Variants in ME1 observed in about 807,000 individuals in gnomAD.
The protein encoded by ME1 is NADP-dependent malic enzyme.
In ME1, 74 loss-of-function variants were observed where a neutral mutation model predicts 66.4. The ratio of observed to expected loss-of-function variants is 1.11; its 90% confidence interval spans 0.92 to 1.35. The LOEUF (loss-of-function observed/expected upper bound fraction) is 1.35, where lower values mean the gene tolerates loss of function less well. Among genes scored for constraint, ME1 ranks in the 40% most tolerant of loss-of-function variants. The pLI, the probability that ME1 is intolerant of heterozygous loss-of-function variation, is 0.00. For missense variants in ME1, 750 were observed against 694.1 expected (o/e 1.08, Z -0.90); for synonymous variants, 251 against 235.6 (o/e 1.07, Z -0.60).
At chr6:83,285,411 A>G (rs1394443061) in intron 6 of ME1, among the ~76,000 whole-genome samples, 1 of 152,222 alleles carries the variant, frequency 6.6e-6, no homozygotes, top group African/African-American at 2.4e-5. Context: ...GAAACAAAAT[A>G]GACATAAAAA....
At chr6:83,320,862 T>C (rs1027426728) in intron 5 of ME1, among the ~76,000 whole-genome samples, 7 of 152,072 alleles carry the variant, frequency 4.6e-5, no homozygotes, top group Non-Finnish European at 8.8e-5. Context: ...GATTCCCAGG[T>C]AAGATGACCA....
intron 9 of ME1, among the ~76,000 whole-genome samples, chr6:83,230,395 A>T (rs1219335253): frequency 6.6e-6 from 1 of 152,076 alleles, no homozygotes; most frequent in Non-Finnish European, 1.5e-5. Context: ...AATTATTAAA[A>T]AATTTGAAAC....
chr6:83,361,530 C>T (rs1473148289), intron 3 of ME1, among the ~76,000 whole-genome samples: 1 of 152,180 alleles, frequency 6.6e-6, no homozygotes, highest in African/African-American at 2.4e-5. Flanking sequence ...CCCAGCAGAC[C>T]CAATGGTGCT....
At chr6:83,430,324 T>A (rs1770462357) in intron 1 of ME1, among the ~76,000 whole-genome samples, 1 of 152,168 alleles carries the variant, frequency 6.6e-6, no homozygotes, top group African/African-American at 2.4e-5. Flanking sequence ...ATTCCCAGAC[T>A]CTTAACCGTG....
At chr6:83,289,577 T>C (rs1222266859) in intron 6 of ME1, among the ~76,000 whole-genome samples, 1 of 152,184 alleles carries the variant, frequency 6.6e-6, no homozygotes, top group Non-Finnish European at 1.5e-5. Flanking sequence ...TCATCAGGGA[T>C]ATTGGCCTGA....
chr6:83,328,405 T>C (rs1471469812), intron 5 of ME1, among the ~76,000 whole-genome samples: 5 of 152,156 alleles, frequency 3.3e-5, no homozygotes, highest in Admixed American at 2.6e-4. Flanking sequence ...ATGGCACATG[T>C]ATACCTATGT....
intron 5 of ME1, among the ~76,000 whole-genome samples, chr6:83,342,507 A>T (rs1473220737): frequency 6.6e-6 from 1 of 152,160 alleles, no homozygotes; most frequent in Non-Finnish European, 1.5e-5. Context: ...TCTTACACCG[A>T]TATTACCTAG....
chr6:83,400,633 T>C (rs1045003497), intron 2 of ME1, among the ~76,000 whole-genome samples: 1 of 152,206 alleles, frequency 6.6e-6, no homozygotes, highest in African/African-American at 2.4e-5. Context: ...TTGACTGGAT[T>C]ATTCTAATGG....
At chr6:83,373,454 G>C (rs983303884) in intron 3 of ME1, among the ~76,000 whole-genome samples, 1 of 152,106 alleles carries the variant, frequency 6.6e-6, no homozygotes, top group Non-Finnish European at 1.5e-5. Context: ...GGCTGGTCTC[G>C]AACTCCGCCC....
At chr6:83,322,273 A>C (rs1768194594) in intron 5 of ME1, among the ~76,000 whole-genome samples, 1 of 152,208 alleles carries the variant, frequency 6.6e-6, no homozygotes, top group African/African-American at 2.4e-5. Flanking sequence ...ACTCCTCACC[A>C]GCAAGGGAAT....
chr6:83,393,007 C>A (rs1269458498), intron 3 of ME1: 1 of 1,020,806 alleles, frequency 9.8e-7, no homozygotes, highest in South Asian at 1.3e-5. Context: ...GGCCATGGGG[C>A]TCTCCAGAAC....
In ME1 at chr6:83,356,942, AATAAAGAGTAG is replaced by A. The variant is rs140381153; in HGVS notation, c.363-4814_363-4804del. Among the ~76,000 whole-genome samples, 133 of 152,302 alleles carry A rather than the reference AATAAAGAGTAG, an allele frequency of 8.7e-4. 1 individual carries two copies. The highest frequency in any genetic ancestry group is 2.7e-3 in the African/African-American group (111 of 41,572). Reference sequence around the variant, plus strand: ...CAGTTGTTCCAATATTGTCCTTCATAATAAAGAGTAGTTCAAAATGCTGTGCAATATTTAGT... The same window carrying A: ...CAGTTGTTCCAATATTGTCCTTCATATTCAAAATGCTGTGCAATATTTAGT... On this transcript the variant is annotated intron_variant, in intron 3 of 13. Transcript: ENST00000369705.
At chr6:83,279,005 C>T (rs527737092) in intron 6 of ME1, among the ~76,000 whole-genome samples, 11 of 152,132 alleles carry the variant, frequency 7.2e-5, no homozygotes, top group Non-Finnish European at 1.2e-4. Context: ...CCCTTCCCCC[C>T]CAACCCTATC....
chr6:83,216,738 C>T, intron 12 of ME1, 142 bp from the exon 13 acceptor site: 1 of 557,308 alleles, frequency 1.8e-6, no homozygotes, highest in Non-Finnish European at 3.1e-6. Context: ...ATTTCATCCC[C>T]ACTTCTATCA....
chr6:83,236,635 C>T (rs960926120), intron 9 of ME1, among the ~76,000 whole-genome samples: 1 of 152,088 alleles, frequency 6.6e-6, no homozygotes, highest in African/African-American at 2.4e-5. Flanking sequence ...CAAAATAATA[C>T]TATGAAGTAG....
chr6:83,255,351 G>A (rs2128528526), intron 6 of ME1, among the ~76,000 whole-genome samples: 1 of 151,572 alleles, frequency 6.6e-6, no homozygotes, highest in South Asian at 2.1e-4. Flanking sequence ...TTCTAATCTA[G>A]TACACTGTGC....
At chr6:83,289,826 T>C (rs1003568306) in intron 6 of ME1, among the ~76,000 whole-genome samples, 1 of 152,236 alleles carries the variant, frequency 6.6e-6, no homozygotes, top group East Asian at 1.9e-4. Flanking sequence ...TATTGGTCTA[T>C]TCAGAGATTC....
chr6:83,221,858 T>G (rs1291866472), intron 12 of ME1, among the ~76,000 whole-genome samples: 1 of 152,082 alleles, frequency 6.6e-6, no homozygotes, highest in African/African-American at 2.4e-5. Flanking sequence ...GGACATAATT[T>G]AGATGATATA....
At chr6:83,394,542 CA>C (rs1769692577) in intron 3 of ME1, among the ~76,000 whole-genome samples, 1 of 152,064 alleles carries the variant, frequency 6.6e-6, no homozygotes, top group South Asian at 2.1e-4. Context: ...TTTCTTTATA[CA>C]AAGGGTAATG....
Sources: gnomAD v4.1 joint callset for allele counts (sites outside exome capture counted in the v4.1 genomes callset) on GRCh38, gnomAD v4.1.1 for gene constraint, MANE v1.5 for transcripts, NCBI Gene and HGNC (gene_info 2026-07-23, HGNC 2026-07-21) for gene names.